Variants in CNTNAP5 observed in about 807,000 individuals in gnomAD.
CNTNAP5 encodes contactin-associated protein-like 5.
In CNTNAP5, 72 loss-of-function variants were observed where a neutral mutation model predicts 150.2. That is an observed-to-expected ratio of 0.48 (90% CI 0.40 to 0.58). CNTNAP5 has a LOEUF of 0.58. Among genes scored for constraint, CNTNAP5 ranks in the 20% least tolerant of loss-of-function variants. CNTNAP5 has a pLI of 0.00. For synonymous variants in CNTNAP5, 672 were observed against 619.8 expected, an observed-to-expected ratio of 1.08 and a Z score of -1.25; for missense variants, 1,636 against 1,626.2, an observed-to-expected ratio of 1.01 and a Z score of -0.10.
At chr2:124,238,119 G>A (rs1032916895) in intron 2 of CNTNAP5, among the ~76,000 whole-genome samples, 2 of 152,162 alleles carry the variant, frequency 1.3e-5, no homozygotes, top group Non-Finnish European at 2.9e-5. Flanking sequence ...TGTTTCTAGT[G>A]AGAATTGCTC....
At chr2:124,040,541 C>CAT (rs35083154) in intron 1 of CNTNAP5, among the ~76,000 whole-genome samples, 18,073 of 151,034 alleles carry the variant, frequency 0.12, 1,165 homozygotes, top group South Asian at 0.26. Context: ...TGTGTTTGTA[C>CAT]ATATATATAT....
chr2:124,804,302 G>C (rs768002080), intron 19 of CNTNAP5, among the ~76,000 whole-genome samples: 9 of 152,216 alleles, frequency 5.9e-5, no homozygotes, highest in Non-Finnish European at 1.0e-4. Context: ...CACAGGGTTA[G>C]ACTTGGGTGG....
chr2:124,726,874 T>A (rs753423902), intron 13 of CNTNAP5, among the ~76,000 whole-genome samples: 2 of 152,040 alleles, frequency 1.3e-5, no homozygotes, highest in Non-Finnish European at 2.9e-5. Flanking sequence ...ACTTTTGTTG[T>A]CTGTGCTTTT....
At chr2:124,154,483 C>A (rs1684478778) in intron 1 of CNTNAP5, among the ~76,000 whole-genome samples, 1 of 152,074 alleles carries the variant, frequency 6.6e-6, no homozygotes, top group Non-Finnish European at 1.5e-5. Flanking sequence ...ACCTCCCCTC[C>A]CCCGAGGTGC....
chr2:124,229,157 T>A (rs1686547840), intron 2 of CNTNAP5, among the ~76,000 whole-genome samples: 1 of 151,888 alleles, frequency 6.6e-6, no homozygotes, highest in African/African-American at 2.4e-5. Context: ...AAAGACCAAC[T>A]CAAACATTGA....
intron 1 of CNTNAP5, among the ~76,000 whole-genome samples, chr2:124,077,240 C>T (rs988863036): frequency 2.6e-5 from 4 of 151,892 alleles, no homozygotes; most frequent in African/African-American, 9.7e-5. Context: ...ATAACTACAC[C>T]GTGGATAACA....
At chr2:124,340,992 C>T (rs1475539247) in intron 3 of CNTNAP5, among the ~76,000 whole-genome samples, 1 of 151,362 alleles carries the variant, frequency 6.6e-6, no homozygotes, top group Non-Finnish European at 1.5e-5. Flanking sequence ...GGGAAGACTG[C>T]TTCAGTCCAT....
At chr2:124,820,450 G>A (rs371579430) in intron 19 of CNTNAP5, among the ~76,000 whole-genome samples, 3 of 150,906 alleles carry the variant, frequency 2.0e-5, no homozygotes, top group Middle Eastern at 3.2e-3. Context: ...CCTCTCCTCA[G>A]GTGAGGTGGA....
intron 23 of CNTNAP5, among the ~76,000 whole-genome samples, chr2:124,912,291 A>T (rs1398600675): frequency 4.6e-5 from 7 of 152,108 alleles, no homozygotes; most frequent in Non-Finnish European, 1.0e-4. Context: ...CTGGAAGCCT[A>T]GATGAACTGA....
intron 10 of CNTNAP5, among the ~76,000 whole-genome samples, chr2:124,552,356 C>T (rs1695646775): frequency 6.6e-6 from 1 of 152,172 alleles, no homozygotes; most frequent in Non-Finnish European, 1.5e-5. Flanking sequence ...TGCATCCAGG[C>T]AGTGACACCA....
At chr2:124,583,943 T>C (rs904648978) in intron 11 of CNTNAP5, among the ~76,000 whole-genome samples, 4 of 152,180 alleles carry the variant, frequency 2.6e-5, no homozygotes, top group Admixed American at 2.6e-4. Flanking sequence ...GGCCCCAGCA[T>C]GTCCTCATGG....
chr2:124,057,144 T>C (rs1681872492), intron 1 of CNTNAP5, among the ~76,000 whole-genome samples: 1 of 152,116 alleles, frequency 6.6e-6, no homozygotes, highest in South Asian at 2.1e-4. Flanking sequence ...CGTTTTGGGC[T>C]CAGTTCTTTA....
intron 13 of CNTNAP5, among the ~76,000 whole-genome samples, chr2:124,726,914 C>T (rs2105122642): frequency 6.6e-6 from 1 of 152,098 alleles, no homozygotes; most frequent in Admixed American, 6.6e-5. Context: ...GTTGTTCAGA[C>T]TAACATCATG....
In CNTNAP5 at chr2:124,529,950, C is replaced by T. The variant is rs377559605; in HGVS notation, c.1649+2494C>T. Among the ~76,000 whole-genome samples, 46 of 152,290 alleles carry T rather than the reference C, an allele frequency of 3.0e-4. No homozygotes were observed. The South Asian group carries it at 8.9e-3, about 30-fold the overall frequency. ...AGCTTTTGTTTTTTGCTGGCCCCAA[C>T]CGGGCATCTTACATACTTAAACGGT... On this transcript the variant is annotated intron_variant, in intron 10 of 23. Transcript: ENST00000682447.
intron 3 of CNTNAP5, among the ~76,000 whole-genome samples, chr2:124,255,910 G>A (rs1368198977): frequency 6.6e-6 from 1 of 152,126 alleles, no homozygotes; most frequent in Admixed American, 6.6e-5. Flanking sequence ...AATTAAATGT[G>A]ATGTCATTTT....
At chr2:124,045,688 T>C (rs1009017461) in intron 1 of CNTNAP5, among the ~76,000 whole-genome samples, 4 of 152,202 alleles carry the variant, frequency 2.6e-5, no homozygotes, top group Admixed American at 1.3e-4. Context: ...ATGCACTGTG[T>C]AGACAATAAT....
At chr2:124,781,319 G>A (rs889437625) in intron 17 of CNTNAP5, among the ~76,000 whole-genome samples, 2 of 152,206 alleles carry the variant, frequency 1.3e-5, no homozygotes, top group African/African-American at 2.4e-5. Context: ...AAGGCGGTAT[G>A]AGCAGGGAAA....
chr2:124,505,157 T>C (rs1012790542), intron 8 of CNTNAP5, among the ~76,000 whole-genome samples: 2 of 152,226 alleles, frequency 1.3e-5, no homozygotes, highest in South Asian at 2.1e-4. Context: ...TTTAGCATAA[T>C]CTAGACCATT....
At chr2:124,225,212 C>G (rs1239679953) in intron 2 of CNTNAP5, among the ~76,000 whole-genome samples, 1 of 152,110 alleles carries the variant, frequency 6.6e-6, no homozygotes, top group African/African-American at 2.4e-5. Context: ...TTCCCATGAG[C>G]CCTCAATGTT....
Sources: gnomAD v4.1 joint callset for allele counts (sites outside exome capture counted in the v4.1 genomes callset) on GRCh38, gnomAD v4.1.1 for gene constraint, MANE v1.5 for transcripts, NCBI Gene and HGNC (gene_info 2026-07-23, HGNC 2026-07-21) for gene names.